GRXCR2: variants seen among roughly 807,000 people sequenced by gnomAD.
GRXCR2 encodes the protein glutaredoxin domain-containing cysteine-rich protein 2.
A neutral mutation model predicts 24.8 loss-of-function variants in GRXCR2; 23 were observed. The ratio of observed to expected loss-of-function variants is 0.93; its 90% confidence interval spans 0.67 to 1.32. The LOEUF (loss-of-function observed/expected upper bound fraction) is 1.32, where lower values mean the gene tolerates loss of function less well. Among genes scored for constraint, GRXCR2 ranks in the 40% most tolerant of loss-of-function variants. GRXCR2 has a pLI of 0.00. For synonymous variants in GRXCR2, 130 were observed against 116.1 expected (o/e 1.12, Z -0.77); for missense variants, 315 against 303.4 (o/e 1.04, Z -0.28).
intron 2 of GRXCR2, among the ~76,000 whole-genome samples, chr5:145,863,671 A>C (rs1364686924): frequency 6.6e-6 from 1 of 152,122 alleles, no homozygotes; most frequent in Non-Finnish European, 1.5e-5. Context: ...CTTTTTTAAA[A>C]ATTTTTTTGT....
chr5:145,910,381 C>A (rs1038464861), intron 2 of GRXCR2, among the ~76,000 whole-genome samples: 2 of 152,262 alleles, frequency 1.3e-5, no homozygotes, highest in South Asian at 2.1e-4. Flanking sequence ...CATTAACCAA[C>A]AAAAAGGGAC....
intron 2 of GRXCR2, among the ~76,000 whole-genome samples, chr5:145,918,959 G>A (rs1757280817): frequency 6.6e-6 from 1 of 152,126 alleles, no homozygotes; most frequent in Admixed American, 6.5e-5. Flanking sequence ...CCCAAATGCT[G>A]CATTGTATTT....
intron 2 of GRXCR2, among the ~76,000 whole-genome samples, chr5:145,931,077 G>C (rs533580873): frequency 2.3e-4 from 35 of 152,266 alleles, no homozygotes; most frequent in African/African-American, 8.4e-4. Context: ...TGTCACCCAG[G>C]CTGGAGTGCA....
rs760103412 is a variant in GRXCR2 at position 145,859,808 on chromosome 5, C to CTTT, written c.671_672insAAA (p.Lys224dup). The CTTT allele has an allele frequency of 5.6e-5, 90 of 1,614,188 alleles. No individual in the cohort carries two copies. In the African/African-American group the frequency reaches 8.8e-4, roughly 16 times the overall value. On this transcript the variant is annotated inframe_insertion, in exon 3 of 3. Transcript: ENST00000377976. ...GGCACCTCAGGGCCCGATAGGACTC[C>CTTT]TTAAATCTGTTGGCCAGCATCGAGA...
chr5:145,883,684 G>C (rs1756736993), intron 2 of GRXCR2, among the ~76,000 whole-genome samples: 1 of 152,138 alleles, frequency 6.6e-6, no homozygotes. Context: ...CTTGAGCCCA[G>C]GAGTTCAAGA....
At chr5:145,901,816 G>T (rs1346184453) in intron 2 of GRXCR2, among the ~76,000 whole-genome samples, 2 of 152,180 alleles carry the variant, frequency 1.3e-5, no homozygotes, top group African/African-American at 2.4e-5. Flanking sequence ...TGCCACTGTA[G>T]CTGGAAGGGG....
At chr5:145,902,861 T>A (rs1437606404) in intron 2 of GRXCR2, among the ~76,000 whole-genome samples, 1 of 152,146 alleles carries the variant, frequency 6.6e-6, no homozygotes, top group East Asian at 1.9e-4. Context: ...ATTGTATAGA[T>A]AAGAAGTAAA....
intron 2 of GRXCR2, among the ~76,000 whole-genome samples, chr5:145,886,901 G>C (rs1756786744): frequency 6.6e-6 from 1 of 152,010 alleles, no homozygotes; most frequent in African/African-American, 2.4e-5. Flanking sequence ...TAATTCCTAT[G>C]TGTATTTTAC....
intron 1 of GRXCR2, among the ~76,000 whole-genome samples, chr5:145,867,405 A>C (rs1034328311): frequency 6.6e-6 from 1 of 152,142 alleles, no homozygotes; most frequent in Non-Finnish European, 1.5e-5. Flanking sequence ...TTTCCCCCCC[A>C]AAAAATACGA....
chr5:145,878,766 T>C (rs540481624), intron 2 of GRXCR2, among the ~76,000 whole-genome samples: 13 of 151,718 alleles, frequency 8.6e-5, no homozygotes, highest in African/African-American at 2.9e-4. Context: ...AAGGCAGAAA[T>C]GAAGGAAAGA....
intron 2 of GRXCR2, among the ~76,000 whole-genome samples, chr5:145,882,722 C>T (rs183528284): frequency 8.5e-5 from 13 of 152,178 alleles, no homozygotes; most frequent in African/African-American, 1.9e-4. Flanking sequence ...CACATGCACA[C>T]GTATGTTTAT....
intron 2 of GRXCR2, among the ~76,000 whole-genome samples, chr5:145,882,337 A>C (rs1377983447): frequency 6.6e-6 from 1 of 152,190 alleles, no homozygotes; most frequent in Non-Finnish European, 1.5e-5. Context: ...AAAAACAAAC[A>C]ACCCCATCAA....
chr5:145,867,959 A>G (rs1451110113), intron 1 of GRXCR2, among the ~76,000 whole-genome samples: 2 of 152,044 alleles, frequency 1.3e-5, no homozygotes, highest in African/African-American at 4.8e-5. Flanking sequence ...AAACCTAGTG[A>G]TGTAAGAGTT....
intron 2 of GRXCR2, among the ~76,000 whole-genome samples, chr5:145,917,460 C>T (rs528862837): frequency 6.6e-6 from 1 of 152,232 alleles, no homozygotes; most frequent in South Asian, 2.1e-4. Flanking sequence ...AAAACACACC[C>T]TCCCACTCAC....
chr5:145,910,395 C>A (rs1482086947), intron 2 of GRXCR2, among the ~76,000 whole-genome samples: 1 of 152,152 alleles, frequency 6.6e-6, no homozygotes, highest in Non-Finnish European at 1.5e-5. Flanking sequence ...AAGGGACCTT[C>A]TTGCCCAGAG....
chr5:145,914,025 G>A (rs550664923), intron 2 of GRXCR2, among the ~76,000 whole-genome samples: 4 of 152,314 alleles, frequency 2.6e-5, no homozygotes, highest in African/African-American at 9.6e-5. Context: ...TTACAAAGCT[G>A]GTGGAGCTGG....
intron 2 of GRXCR2, 125 bp from the exon 3 acceptor site, chr5:145,860,040 T>C: frequency 1.4e-6 from 1 of 714,418 alleles, no homozygotes; most frequent in Non-Finnish European, 2.2e-6. Flanking sequence ...TTCCCACGAA[T>C]GTCAGTGAGA....
chr5:145,899,731 C>T (rs984112149), intron 2 of GRXCR2, among the ~76,000 whole-genome samples: 1 of 152,260 alleles, frequency 6.6e-6, no homozygotes, highest in Non-Finnish European at 1.5e-5. Flanking sequence ...GAAATTGGAC[C>T]TTTACCTTTT....
At chr5:145,879,193 A>G (rs1171911410) in intron 2 of GRXCR2, among the ~76,000 whole-genome samples, 2 of 152,194 alleles carry the variant, frequency 1.3e-5, no homozygotes, top group Non-Finnish European at 2.9e-5. Context: ...ACACAAAACA[A>G]TATCAACCTT....
Sources: allele counts gnomAD v4.1 joint callset (sites outside exome capture counted in the v4.1 genomes callset), GRCh38; gene constraint gnomAD v4.1.1; transcripts MANE v1.5; gene names NCBI Gene and HGNC (gene_info 2026-07-23, HGNC 2026-07-21).